Variants in MACO1 observed in about 807,000 individuals in gnomAD.
MACO1 encodes the protein macoilin 1.
In MACO1, 14 loss-of-function variants were observed where a neutral mutation model predicts 78.7. The ratio of observed to expected loss-of-function variants is 0.18; its 90% CI spans 0.12 to 0.28. The LOEUF (loss-of-function observed/expected upper bound fraction) is 0.28. Among genes scored for constraint, MACO1 ranks in the 10% least tolerant of loss-of-function variants. The pLI, the probability that MACO1 is intolerant of heterozygous loss-of-function variation, is 1.00. For missense variants in MACO1, 501 were observed against 799.0 expected, an observed-to-expected ratio of 0.63 and a Z score of 4.50; for synonymous variants, 288 against 291.6, an observed-to-expected ratio of 0.99 and a Z score of 0.12.
At chr1:25,446,631 G>A in intron 1 of MACO1, 131 bp from the exon 2 acceptor site, 1 of 898,106 alleles carries the variant, frequency 1.1e-6, no homozygotes, top group Non-Finnish European at 1.6e-6. Context: ...TCTCTTTTTT[G>A]TGCTTTATCT....
At chr1:25,448,772 G>T in intron 2 of MACO1, 36 bp from the exon 3 acceptor site, 1 of 1,479,222 alleles carries the variant, frequency 6.8e-7, no homozygotes. Context: ...CAGGTTCTAA[G>T]ATGTATCTTT....
At chr1:25,449,703 G>A (rs1318637375) in intron 3 of MACO1, among the ~76,000 whole-genome samples, 1 of 152,122 alleles carries the variant, frequency 6.6e-6, no homozygotes, top group Non-Finnish European at 1.5e-5. Flanking sequence ...AAATATAAGG[G>A]AATGTATAAA....
intron 8 of MACO1, among the ~76,000 whole-genome samples, chr1:25,488,856 C>T (rs534117637): frequency 1.2e-3 from 179 of 152,116 alleles, no homozygotes; most frequent in Non-Finnish European, 2.1e-3. Context: ...CTCACTCGGA[C>T]GCCCAAGCTG....
At chr1:25,454,488 A>ATATATATATGTT (rs1441909435) in intron 4 of MACO1, 106 bp downstream of exon 4, 2 of 71,190 alleles carry the variant, frequency 2.8e-5, no homozygotes, top group Non-Finnish European at 6.7e-5. Context: ...ATATATATAT[A>ATATATATATGTT]TTTTTTTTTT....
chr1:25,476,177 G>T (rs1437044458), intron 6 of MACO1, among the ~76,000 whole-genome samples: 4 of 152,224 alleles, frequency 2.6e-5, no homozygotes, highest in Non-Finnish European at 5.9e-5. Context: ...TAAGAAGTCA[G>T]TAAGTACCCT....
chr1:25,492,501 G>C (rs2043495820), intron 10 of MACO1, among the ~76,000 whole-genome samples: 1 of 152,064 alleles, frequency 6.6e-6, no homozygotes, highest in African/African-American at 2.4e-5. Context: ...GGGGCAGCAA[G>C]TGAAAAGCCC....
chr1:25,477,127 C>T (rs978968205), intron 6 of MACO1, among the ~76,000 whole-genome samples: 2 of 152,134 alleles, frequency 1.3e-5, no homozygotes, highest in Non-Finnish European at 2.9e-5. Context: ...CAGCACAGGG[C>T]GATGGTTTGA....
intron 1 of MACO1, among the ~76,000 whole-genome samples, chr1:25,435,208 T>G (rs2124566239): frequency 6.6e-6 from 1 of 152,296 alleles, no homozygotes; most frequent in East Asian, 1.9e-4. Context: ...CCTTTCACTG[T>G]GTATTTAAGA....
intron 1 of MACO1, among the ~76,000 whole-genome samples, chr1:25,443,990 G>A (rs906020365): frequency 4.7e-5 from 7 of 147,654 alleles, no homozygotes; most frequent in African/African-American, 1.5e-4. Context: ...AGTGGCTCAC[G>A]CCTGTAATCC....
At chr1:25,431,615 C>T (rs1193403820) in intron 1 of MACO1, among the ~76,000 whole-genome samples, 1 of 152,066 alleles carries the variant, frequency 6.6e-6, no homozygotes, top group African/African-American at 2.4e-5. Context: ...GGCGCGTGGA[C>T]CACAGCGCGG....
At position 25,448,868 on chromosome 1, in the gene MACO1, A is replaced by T; in HGVS notation, c.283A>T (p.Ile95Phe). ...FTSNIICLLFIPIQWLFFAAS... is the reference protein window; with the variant it reads ...FTSNIICLLFFPIQWLFFAAS... ...GTCAAATATAATATGCCTGCTGTTCATCCCCATACAGTGGCTTTTTTTTGC... is the reference window on the plus strand; with the variant it reads ...GTCAAATATAATATGCCTGCTGTTCTTCCCCATACAGTGGCTTTTTTTTGC... Residue 95 changes from isoleucine (I) to phenylalanine (F), a missense_variant, in exon 3 of 11, where the codon ATC (isoleucine) becomes TTC (phenylalanine). By Grantham distance (21) the Ile-to-Phe change is conservative. Around this residue, in one of 5 missense-constraint regions of MACO1, gnomAD observed 171 missense variants for 292.1 expected, o/e 0.59. Transcript: ENST00000374343. The T allele has an allele frequency of 6.4e-7, 1 of 1,559,468 alleles. No individual in the cohort carries two copies. The highest frequency in any genetic ancestry group is 1.7e-4 in the Middle Eastern group (1 of 5,880).
chr1:25,485,741 A>G lies in MACO1; in HGVS notation c.1442A>G (p.Lys481Arg). Reference sequence around the variant, plus strand: ...CAGTTAATGGAAGAGAAAAAGAGGAAGAAGTTAGAAGAAGCCACTGCTGCC... The same window carrying G: ...CAGTTAATGGAAGAGAAAAAGAGGAGGAAGTTAGAAGAAGCCACTGCTGCC... ...EKQLMEEKKR[K>R]KLEEATAARA... Residue 481 changes from lysine (K) to arginine (R), a missense_variant, in exon 8 of 11, where the codon AAG becomes AGG. This residue lies in a region of MACO1 where 163 missense variants were observed against 271.9 expected (regional missense o/e 0.60). Transcript: ENST00000374343. The surrounding 1 kb of genome is among the most constrained non-coding windows in gnomAD (Gnocchi z 4.3). 1 of 1,614,164 alleles carries G rather than the reference A, an allele frequency of 6.2e-7. No individual in the cohort carries two copies. Among genetic ancestry groups the G allele is most frequent in the Non-Finnish European group, 8.5e-7 (1 of 1,180,006 alleles).
At position 25,485,707 on chromosome 1, in the gene MACO1, G is replaced by A. The variant is rs755342701; in HGVS notation, c.1408G>A (p.Val470Ile). Residue 470 changes from valine (V) to isoleucine (I), a missense_variant, in exon 8 of 11, where the codon GTA becomes ATA. This residue lies in a region of MACO1 where 163 missense variants were observed against 271.9 expected (regional missense o/e 0.60). Transcript: ENST00000374343. This position sits in a 1 kb window ranked among gnomAD's most constrained non-coding sequence, Gnocchi z 4.3. ...AGCTGAGCAGGAAGCCCGAAGTTTT[G>A]TAGAGAAACAGTTAATGGAAGAGAA... ...LKAEQEARSFVEKQLMEEKKR... is the reference protein window; with the variant it reads ...LKAEQEARSFIEKQLMEEKKR... The A allele has an allele frequency of 5.6e-6, 9 of 1,614,146 alleles. No individual in the cohort carries two copies. In the South Asian group the frequency reaches 9.9e-5, roughly 18 times the overall value.
At chr1:25,468,990 C>T (rs1435819535) in intron 6 of MACO1, among the ~76,000 whole-genome samples, 1 of 152,056 alleles carries the variant, frequency 6.6e-6, no homozygotes, top group Admixed American at 6.5e-5. Flanking sequence ...ACAGGCAGTG[C>T]CACCACATCT....
chr1:25,436,247 T>G (rs2042918161), intron 1 of MACO1, among the ~76,000 whole-genome samples: 1 of 152,186 alleles, frequency 6.6e-6, no homozygotes, highest in Non-Finnish European at 1.5e-5. Context: ...TAGAATCTTT[T>G]TCTTTGGCCA....
At chr1:25,431,424 G>T (rs1215478857) in intron 1 of MACO1, among the ~76,000 whole-genome samples, 6 of 148,922 alleles carry the variant, frequency 4.0e-5, no homozygotes, top group African/African-American at 1.5e-4. Flanking sequence ...GAGCCGCCGC[G>T]CCGCCGTTGG....
chr1:25,445,321 G>A (rs947365232), intron 1 of MACO1, among the ~76,000 whole-genome samples: 7 of 151,184 alleles, frequency 4.6e-5, no homozygotes, highest in African/African-American at 9.7e-5. Context: ...AAAAGATTGC[G>A]TTCTTTTGTG....
At chr1:25,444,584 G>GTTTGTT (rs1265806563) in intron 1 of MACO1, among the ~76,000 whole-genome samples, 2 of 151,882 alleles carry the variant, frequency 1.3e-5, no homozygotes, top group Admixed American at 6.6e-5. Context: ...GTGTTTTTTT[G>GTTTGTT]TTTGTTTTTG....
intron 6 of MACO1, among the ~76,000 whole-genome samples, chr1:25,474,403 C>CT (rs1472789328): frequency 6.6e-6 from 1 of 152,148 alleles, no homozygotes; most frequent in African/African-American, 2.4e-5. Flanking sequence ...ACTTGACTTT[C>CT]CTTTAGCAAG....
Sources: allele counts gnomAD v4.1 joint callset (sites outside exome capture counted in the v4.1 genomes callset), GRCh38; gene constraint gnomAD v4.1.1; regional missense constraint gnomAD v4.1.1; non-coding constraint Gnocchi (gnomAD v3.1); transcripts MANE v1.5; gene names NCBI Gene and HGNC (gene_info 2026-07-23, HGNC 2026-07-21).